WSB1: variants seen among roughly 807,000 people sequenced by gnomAD.
The protein encoded by WSB1 is WD repeat and SOCS box-containing protein 1.
WSB1 carries 23 observed loss-of-function variants against 50.2 expected under a neutral mutation model. The observed-to-expected ratio is 0.46, with a 90% CI of 0.33 to 0.65. WSB1 has a LOEUF of 0.65. WSB1 is among the 30% of genes least tolerant of loss of function. The pLI, the probability that WSB1 is intolerant of heterozygous loss-of-function variation, is 0.02. For synonymous variants in WSB1, 179 were observed against 172.0 expected (o/e 1.04, Z -0.32); for missense variants, 492 against 522.3 (o/e 0.94, Z 0.56).
At chr17:27,306,276 GA>G (rs2017454411) in intron 4 of WSB1, among the ~76,000 whole-genome samples, 1 of 135,720 alleles carries the variant, frequency 7.4e-6, no homozygotes, top group African/African-American at 2.9e-5. Flanking sequence ...GCAGCGGCGT[GA>G]TCTCCGCTCA....
chr17:27,296,102 G>C (rs1265231522), intron 1 of WSB1, among the ~76,000 whole-genome samples: 2 of 152,150 alleles, frequency 1.3e-5, no homozygotes, highest in African/African-American at 4.8e-5. Flanking sequence ...CAAAGTGCTA[G>C]GATTACGGGC....
chr17:27,303,136 T>C (rs2017303955), intron 2 of WSB1: 3 of 422,178 alleles, frequency 7.1e-6, no homozygotes, highest in Middle Eastern at 6.4e-4. Context: ...AGTTATAATA[T>C]AAATTGCTTT....
intron 2 of WSB1, chr17:27,303,024 TTTTGTTTG>T (rs373384903): frequency 1.6e-5 from 3 of 192,716 alleles, no homozygotes; most frequent in African/African-American, 2.4e-5. Context: ...TACTGGGTTT[TTTTGTTTG>T]TTTGTTTGTT....
At chr17:27,307,264 G>A (rs1049300072) in intron 5 of WSB1, 9 of 210,214 alleles carry the variant, frequency 4.3e-5, no homozygotes, top group Non-Finnish European at 2.9e-5. Flanking sequence ...AGTCCCAGCT[G>A]GTCCTGTACA....
chr17:27,308,795 A>C, intron 5 of WSB1: 4 of 1,009,046 alleles, frequency 4.0e-6, no homozygotes, highest in Non-Finnish European at 4.7e-6. Flanking sequence ...TTAGTTAATT[A>C]GTTTTTGGAA....
At chr17:27,303,049 T>C (rs941394780) in intron 2 of WSB1, 2 of 204,962 alleles carry the variant, frequency 9.8e-6, no homozygotes, top group African/African-American at 4.6e-5. Context: ...TGTTTTTTGC[T>C]TATTTATACT....
chr17:27,314,953 A>C lies in WSB1; in HGVS notation c.*2584A>C, dbSNP rs1460394052. 6.6e-6 allele frequency: 1 copy of C among 152,220 alleles called. No individual in the cohort carries two copies. Among genetic ancestry groups the C allele is most frequent in the Non-Finnish European group, 1.5e-5 (1 of 68,062 alleles). The allele number at this position is 152,220 out of a possible 1,614,324, so 9.4% of individuals were successfully genotyped here. A position where few individuals can be genotyped will look rare whatever the true frequency, so the allele number is the denominator to read the frequency against. ...AGTGCTGGGATTATAGGTGTGAGCCACCGAACCTGGCCCAAAACAGCATTT... is the reference window on the plus strand; with the variant it reads ...AGTGCTGGGATTATAGGTGTGAGCCCCCGAACCTGGCCCAAAACAGCATTT... On this transcript the variant is annotated 3_prime_UTR_variant, in exon 9 of 9. Transcript: ENST00000262394.
chr17:27,303,459 A>G lies in WSB1; in HGVS notation c.302A>G (p.Glu101Gly). The G allele has an allele frequency of 1.9e-6, 3 of 1,614,136 alleles. No individual in the cohort carries two copies. The highest frequency in any genetic ancestry group is 2.5e-6 in the Non-Finnish European group (3 of 1,180,012). Residue 101 changes from glutamate to glycine, a missense_variant, in exon 3 of 9, where the codon GAA (glutamate) becomes GGA (glycine). Transcript: ENST00000262394. ...GGTGGTCAGAAAAATAAGCCTCGTGAACATATTATAGACTGTGGAGATATA... is the reference window on the plus strand; with the variant it reads ...GGTGGTCAGAAAAATAAGCCTCGTGGACATATTATAGACTGTGGAGATATA... ...SDGGQKNKPR[E>G]HIIDCGDIVW...
At chr17:27,295,691 C>T (rs2016930278) in intron 1 of WSB1, among the ~76,000 whole-genome samples, 2 of 152,150 alleles carry the variant, frequency 1.3e-5, no homozygotes, top group Admixed American at 1.3e-4. Flanking sequence ...GGACAAAGAA[C>T]TCAAAAGTTC....
At position 27,303,393 on chromosome 17, in the gene WSB1, C is replaced by G. The variant is rs1436558674; in HGVS notation, c.236C>G (p.Thr79Ser). The change falls in exon 3 of 9, where the codon ACC (threonine) becomes AGC (serine). Residue 79 changes from threonine (T) to serine (S), a missense_variant. Transcript: ENST00000262394. ...CTCTTGCATGGCACCAAGAATGTTA[C>G]CAATTCAAGCAGTTTAAGATTGCCA... ...NFLLHGTKNV[T>S]NSSSLRLPRQ... 5.0e-6 allele frequency: 8 copies of G among 1,613,976 alleles called. No homozygotes were observed. The highest frequency in any genetic ancestry group is 6.8e-6 in the Non-Finnish European group (8 of 1,180,012).
chr17:27,301,852 T>C lies in WSB1; in HGVS notation c.105T>C (p.Arg35=). ...PAAPFDKKCG[R]ENWTVAFAPD... ...CTCCTTTTGACAAGAAATGTGGTCG[T>C]GAAAATTGGACTGTTGCTTTTGCTC... The change falls in exon 2 of 9, where the codon CGT becomes CGC. Residue 35 remains arginine, a synonymous_variant. Transcript: ENST00000262394. The C allele has an allele frequency of 6.2e-7, 1 of 1,614,182 alleles. No individual in the cohort carries two copies. The highest frequency in any genetic ancestry group is 1.3e-5 in the African/African-American group (1 of 75,050).
chr17:27,305,521 C>T (rs1008585357), intron 4 of WSB1, among the ~76,000 whole-genome samples: 5 of 152,206 alleles, frequency 3.3e-5, no homozygotes, highest in Non-Finnish European at 5.9e-5. Context: ...CATCTCTTCC[C>T]TTTCTCAGTC....
At position 27,312,897 on chromosome 17, in the gene WSB1, C is replaced by T. The variant is rs1597773754; in HGVS notation, c.*528C>T. 6.6e-6 allele frequency: 1 copy of T among 152,620 alleles called. No homozygotes were observed. Among genetic ancestry groups the T allele is most frequent in the South Asian group, 2.0e-4 (1 of 4,886 alleles). The allele number at this position is 152,620 out of a possible 1,614,324, so 9.5% of individuals were successfully genotyped here. A position where few individuals can be genotyped will look rare whatever the true frequency, so the allele number is the denominator to read the frequency against. On this transcript the variant is annotated 3_prime_UTR_variant, in exon 9 of 9. Transcript: ENST00000262394. ...AAATACAAAAAAAAAAAAAATTAGC[C>T]AGGCGTGGTGGTGCACACCTGTAGT...
intron 1 of WSB1, among the ~76,000 whole-genome samples, chr17:27,297,968 G>A (rs2017053365): frequency 6.6e-6 from 1 of 151,632 alleles, no homozygotes; most frequent in African/African-American, 2.4e-5. Flanking sequence ...AGTTAGCTGG[G>A]CGTGGTGGTG....
Position 27,309,111 on chromosome 17 carries a change from G to T in WSB1, c.723G>T (p.Trp241Cys). The T allele has an allele frequency of 1.3e-6, 2 of 1,599,040 alleles. No individual in the cohort carries two copies. Among genetic ancestry groups the T allele is most frequent in the Non-Finnish European group, 1.7e-6 (2 of 1,171,482 alleles). ...SVGASKAVFL[W>C]NMDKYTMIRK... ...CCTTTTTATTGCAGGTTTTCCTTTG[G>T]AATATGGATAAATACACCATGATAC... The change falls in exon 6 of 9, where the codon TGG (tryptophan) becomes TGT (cysteine). Residue 241 changes from tryptophan to cysteine, a missense_variant. By Grantham distance (215) the Trp-to-Cys change is radical. Transcript: ENST00000262394.
intron 3 of WSB1, 52 bp downstream of exon 3, chr17:27,303,687 C>G: frequency 6.3e-7 from 1 of 1,585,176 alleles, no homozygotes; most frequent in Non-Finnish European, 8.6e-7. Flanking sequence ...ATGCAGGGCA[C>G]TGCTTATAGG....
At chr17:27,301,562 C>G (rs2017230144) in intron 1 of WSB1, among the ~76,000 whole-genome samples, 1 of 152,102 alleles carries the variant, frequency 6.6e-6, no homozygotes, top group African/African-American at 2.4e-5. Flanking sequence ...AAAACTCTTG[C>G]ATTGGGAAAT....
At chr17:27,301,028 C>T (rs554136518) in intron 1 of WSB1, among the ~76,000 whole-genome samples, 59 of 152,188 alleles carry the variant, frequency 3.9e-4, no homozygotes, top group Non-Finnish European at 5.7e-4. Flanking sequence ...CCCACCACCA[C>T]GCCCAGCTAA....
In WSB1 at chr17:27,311,510, A is replaced by T; in HGVS notation, c.1000A>T (p.Met334Leu). 6.3e-7 allele frequency: 1 copy of T among 1,585,522 alleles called. No individual in the cohort carries two copies. Residue 334 changes from methionine (M) to leucine (L), a missense_variant and splice_region_variant, in exon 8 of 9, where the codon ATG becomes TTG. Coordinates refer to ENST00000262394, the MANE Select transcript of WSB1 (RefSeq NM_015626.10). ...LHVASLADDK[M>L]VRFWRIDEDY... ...CTAAATAATTTATTTCATTTTCAGA[A>T]TGGTGAGGTTCTGGAGAATTGATGA...
Sources: gnomAD v4.1 joint callset for allele counts (sites outside exome capture counted in the v4.1 genomes callset) on GRCh38, gnomAD v4.1.1 for gene constraint, MANE v1.5 for transcripts, NCBI Gene and HGNC (gene_info 2026-07-23, HGNC 2026-07-21) for gene names.